The following RBMS1 variants were observed in gnomAD, a reference collection of about 807,000 sequenced individuals.
The protein encoded by RBMS1 is RNA-binding motif, single-stranded-interacting protein 1.
Under a neutral mutation model 62.3 loss-of-function variants are expected in RBMS1, and 17 were observed. That is an observed-to-expected ratio of 0.27 (90% CI 0.19 to 0.41). The LOEUF (loss-of-function observed/expected upper bound fraction) is 0.41, where lower values mean the gene tolerates loss of function less well. Among genes scored for constraint, RBMS1 ranks in the 10% least tolerant of loss-of-function variants. The pLI, the probability that RBMS1 is intolerant of heterozygous loss-of-function variation, is 1.00. For missense variants in RBMS1, 334 were observed against 504.5 expected (o/e 0.66, Z 3.24); for synonymous variants, 172 against 170.0 (o/e 1.01, Z -0.09).
chr2:160,458,499 C>CTA (rs1684332805), intron 1 of RBMS1, among the ~76,000 whole-genome samples: 3 of 152,204 alleles, frequency 2.0e-5, no homozygotes, highest in African/African-American at 7.2e-5. Context: ...AAAACACTAA[C>CTA]TAAAAGAAAT....
chr2:160,355,301 A>G (rs950678913), intron 2 of RBMS1, among the ~76,000 whole-genome samples: 4 of 152,130 alleles, frequency 2.6e-5, no homozygotes, highest in Non-Finnish European at 5.9e-5. Flanking sequence ...AAGATTCAAC[A>G]GCCTGGAATT....
intron 4 of RBMS1, among the ~76,000 whole-genome samples, chr2:160,310,913 G>A (rs1366729414): frequency 6.6e-6 from 1 of 152,104 alleles, no homozygotes; most frequent in Non-Finnish European, 1.5e-5. Flanking sequence ...CTCACATGAG[G>A]CCAGGTGTGG....
chr2:160,394,608 CA>C (rs1559497292), intron 1 of RBMS1, among the ~76,000 whole-genome samples: 1 of 151,798 alleles, frequency 6.6e-6, no homozygotes, highest in African/African-American at 2.4e-5. Flanking sequence ...AAATTAAAAG[CA>C]AAAAAAGAAA....
chr2:160,352,680 G>A (rs372939585), intron 2 of RBMS1, among the ~76,000 whole-genome samples: 10 of 152,182 alleles, frequency 6.6e-5, no homozygotes, highest in East Asian at 5.8e-4. Context: ...GCACATGTCC[G>A]TTCATATAAA....
chr2:160,478,939 C>CA (rs1236637361), intron 1 of RBMS1, among the ~76,000 whole-genome samples: 2 of 152,192 alleles, frequency 1.3e-5, no homozygotes, highest in Non-Finnish European at 1.5e-5. Context: ...GGGAAAAAAA[C>CA]AGAGACCGGT....
At chr2:160,352,768 C>A (rs1043224833) in intron 2 of RBMS1, among the ~76,000 whole-genome samples, 1 of 152,104 alleles carries the variant, frequency 6.6e-6, no homozygotes, top group Non-Finnish European at 1.5e-5. Context: ...TTGGCACACA[C>A]CCTCACCATG....
intron 1 of RBMS1, chr2:160,416,205 A>G (rs1696199957): frequency 6.6e-6 from 1 of 150,980 alleles, no homozygotes; most frequent in Non-Finnish European, 1.5e-5. Context: ...TGCCATGACA[A>G]TGTGACTGAT....
At chr2:160,280,713 A>G (rs990143682) in intron 10 of RBMS1, among the ~76,000 whole-genome samples, 3 of 152,136 alleles carry the variant, frequency 2.0e-5, no homozygotes, top group African/African-American at 7.2e-5. Flanking sequence ...TTTGTTCTCC[A>G]TATGTATTTT....
At position 160,382,961 on chromosome 2, in the gene RBMS1, C is replaced by A. The variant is rs1025710527; in HGVS notation, c.76-15570G>T. On this transcript the variant is annotated intron_variant, in intron 1 of 13. Coordinates refer to ENST00000348849, the MANE Select transcript of RBMS1 (RefSeq NM_016836.4). ...AATGTGATTGGCTCCTGTCAGGAAACGTAAAATGTACGATTTATACAGTAA... is the reference window on the plus strand; with the variant it reads ...AATGTGATTGGCTCCTGTCAGGAAAAGTAAAATGTACGATTTATACAGTAA... 3.9e-5 allele frequency among the ~76,000 whole-genome samples: 6 copies of A among 152,062 alleles called. No individual in the cohort carries two copies. The East Asian group carries it at 1.2e-3, about 29-fold the overall frequency.
chr2:160,327,303 T>C (rs1690990624), intron 2 of RBMS1, among the ~76,000 whole-genome samples: 1 of 152,220 alleles, frequency 6.6e-6, no homozygotes, highest in Non-Finnish European at 1.5e-5. Context: ...CTTACCAACA[T>C]GCCTGGGTGA....
intron 4 of RBMS1, among the ~76,000 whole-genome samples, chr2:160,311,228 C>CTATATATCTATATATCTATA (rs1252861710): frequency 1.5e-4 from 14 of 95,938 alleles, no homozygotes; most frequent in Admixed American, 2.8e-4. Context: ...ATCTATCTAT[C>CTATATATCTATATATCTATA]TATCTATATA....
chr2:160,408,098 C>G (rs984184395), intron 1 of RBMS1, among the ~76,000 whole-genome samples: 2 of 151,360 alleles, frequency 1.3e-5, no homozygotes, highest in African/African-American at 4.8e-5. Flanking sequence ...GGCGCCCCCG[C>G]TCTGGTGCAA....
intron 1 of RBMS1, among the ~76,000 whole-genome samples, chr2:160,412,394 G>A (rs1696069630): frequency 6.6e-6 from 1 of 152,086 alleles, no homozygotes; most frequent in South Asian, 2.1e-4. Flanking sequence ...ACAGATGAAA[G>A]AAAAAAAGTT....
At chr2:160,436,511 T>G (rs752788410) in intron 1 of RBMS1, among the ~76,000 whole-genome samples, 16 of 152,246 alleles carry the variant, frequency 1.1e-4, no homozygotes, top group Non-Finnish European at 1.5e-4. Flanking sequence ...AGCCACAGAA[T>G]CATGAGAAAT....
intron 1 of RBMS1, among the ~76,000 whole-genome samples, chr2:160,456,561 C>A (rs1684240887): frequency 1.3e-5 from 2 of 152,286 alleles, no homozygotes; most frequent in South Asian, 4.1e-4. Flanking sequence ...ATTTAAAGTT[C>A]CCTTAATAAT....
At chr2:160,375,762 A>G (rs1693962684) in intron 1 of RBMS1, among the ~76,000 whole-genome samples, 1 of 152,164 alleles carries the variant, frequency 6.6e-6, no homozygotes, top group Non-Finnish European at 1.5e-5. Flanking sequence ...TATTCTTCTG[A>G]ATTCTGAATG....
chr2:160,319,578 ATCTGAG>A (rs1690437993), intron 2 of RBMS1, among the ~76,000 whole-genome samples: 1 of 152,250 alleles, frequency 6.6e-6, no homozygotes, highest in Non-Finnish European at 1.5e-5. Context: ...TACTCGATGC[ATCTGAG>A]TCTCACGTTT....
At chr2:160,348,033 T>C (rs763326213) in intron 2 of RBMS1, among the ~76,000 whole-genome samples, 1 of 152,046 alleles carries the variant, frequency 6.6e-6, no homozygotes, top group Non-Finnish European at 1.5e-5. Context: ...AACAGAACAA[T>C]GGCCTGCACA....
intron 1 of RBMS1, among the ~76,000 whole-genome samples, chr2:160,420,590 G>A (rs1696386023): frequency 6.6e-6 from 1 of 151,452 alleles, no homozygotes; most frequent in Non-Finnish European, 1.5e-5. Flanking sequence ...CAGTCAGCAA[G>A]TACCCATTGA....
Sources: gnomAD v4.1 joint callset for allele counts (sites outside exome capture counted in the v4.1 genomes callset) on GRCh38, gnomAD v4.1.1 for gene constraint, MANE v1.5 for transcripts, NCBI Gene and HGNC (gene_info 2026-07-23, HGNC 2026-07-21) for gene names.